PKIB: variants seen among roughly 807,000 people sequenced by gnomAD.
PKIB encodes PKI-beta.
Under a neutral mutation model 4.5 loss-of-function variants are expected in PKIB, and 2 were observed. That is an observed-to-expected ratio of 0.44 (90% CI 0.18 to 1.39). The LOEUF (loss-of-function observed/expected upper bound fraction) is 1.39. Ranked by LOEUF, PKIB falls within the 40% of genes most tolerant of loss-of-function variation. PKIB has a pLI of 0.27. For missense variants in PKIB, 94 were observed against 92.6 expected, an observed-to-expected ratio of 1.02 and a Z score of -0.06; for synonymous variants, 38 against 36.0, an observed-to-expected ratio of 1.06 and a Z score of -0.20.
chr6:122,483,587 T>C (rs1457866658), intron 2 of PKIB: 1 of 152,172 alleles, frequency 6.6e-6, no homozygotes, highest in Non-Finnish European at 1.5e-5. Context: ...CAGAGATGAG[T>C]AACTCAAAGG....
chr6:122,526,827 C>G (rs574385094), intron 2 of PKIB, among the ~76,000 whole-genome samples: 1 of 152,164 alleles, frequency 6.6e-6, no homozygotes, highest in South Asian at 2.1e-4. Flanking sequence ...TGTGTTAACA[C>G]CTAATTAGAG....
At chr6:122,561,767 T>C (rs1179428595) in intron 2 of PKIB, among the ~76,000 whole-genome samples, 5 of 152,058 alleles carry the variant, frequency 3.3e-5, no homozygotes, top group African/African-American at 1.2e-4. Context: ...TTGCATGAAA[T>C]GCCTTTTTCC....
intron 2 of PKIB, among the ~76,000 whole-genome samples, chr6:122,522,360 T>G (rs1776970803): frequency 6.6e-6 from 1 of 152,186 alleles, no homozygotes; most frequent in Non-Finnish European, 1.5e-5. Context: ...CTCAGCCCCC[T>G]GGCTTCAGCC....
At chr6:122,683,967 T>A (rs1187020847) in intron 3 of PKIB, among the ~76,000 whole-genome samples, 1 of 152,204 alleles carries the variant, frequency 6.6e-6, no homozygotes, top group Admixed American at 6.5e-5. Flanking sequence ...AAACACTTAA[T>A]TGTTCACCAA....
intron 3 of PKIB, among the ~76,000 whole-genome samples, chr6:122,688,782 C>CTTT (rs34877015): frequency 1.4e-5 from 2 of 139,080 alleles, no homozygotes; most frequent in African/African-American, 2.7e-5. Context: ...ATGAGCCTTT[C>CTTT]TTTTTTTTTT....
chr6:122,659,735 T>C (rs986187777), intron 2 of PKIB, among the ~76,000 whole-genome samples: 5 of 152,174 alleles, frequency 3.3e-5, no homozygotes, highest in Admixed American at 3.3e-4. Flanking sequence ...TTCGGTAAAG[T>C]TGCCTATGTG....
intron 3 of PKIB, among the ~76,000 whole-genome samples, chr6:122,703,966 A>G (rs1198657497): frequency 6.7e-6 from 1 of 148,252 alleles, no homozygotes; most frequent in Non-Finnish European, 1.5e-5. Flanking sequence ...AGAGAGAGAG[A>G]GAGAGAGAAA....
At chr6:122,475,998 C>A (rs1160606493) in intron 1 of PKIB, among the ~76,000 whole-genome samples, 1 of 152,064 alleles carries the variant, frequency 6.6e-6, no homozygotes, top group African/African-American at 2.4e-5. Context: ...ATCTATATCT[C>A]TGAAATATTG....
rs1030249323 is a variant in PKIB, at chr6:122,599,708, T to C, written c.-161+13701T>C. Among the ~76,000 whole-genome samples, 6 of 152,286 alleles carry C rather than the reference T, an allele frequency of 3.9e-5. No individual in the cohort carries two copies. In the South Asian group the frequency reaches 1.0e-3, roughly 26 times the overall value. ...ATGTATATGGTCACCTCACTCTGCC[T>C]GTCATGAGCAGTGAATCAGGAGTGT... is the stretch of plus-strand genomic sequence containing the variant. On this transcript the variant is annotated intron_variant, in intron 3 of 6. Transcript: ENST00000392491.
chr6:122,550,024 C>T (rs1322710435), intron 2 of PKIB, among the ~76,000 whole-genome samples: 1 of 151,886 alleles, frequency 6.6e-6, no homozygotes, highest in African/African-American at 2.4e-5. Flanking sequence ...AAGTCATTCT[C>T]CTGCCTCAGC....
intron 1 of PKIB, among the ~76,000 whole-genome samples, chr6:122,474,106 C>G (rs1379600610): frequency 6.6e-6 from 1 of 152,174 alleles, no homozygotes; most frequent in Non-Finnish European, 1.5e-5. Context: ...GCACTCCGGC[C>G]TAGGTGATAA....
intron 2 of PKIB, among the ~76,000 whole-genome samples, chr6:122,554,576 A>T (rs929671091): frequency 2.0e-5 from 3 of 152,226 alleles, no homozygotes; most frequent in African/African-American, 7.2e-5. Context: ...TTCATTTTAC[A>T]GTGGAAAGAT....
At chr6:122,691,450 TG>T (rs1372080755) in intron 3 of PKIB, among the ~76,000 whole-genome samples, 1 of 152,190 alleles carries the variant, frequency 6.6e-6, no homozygotes, top group Non-Finnish European at 1.5e-5. Flanking sequence ...CTTTCTCTGC[TG>T]TATCAATTCT....
Position 122,520,098 on chromosome 6 carries a change from C to T in PKIB, c.-248+42159C>T, listed in dbSNP as rs77918316. Among the ~76,000 whole-genome samples the T allele has an allele frequency of 2.2e-3, 337 of 152,278 alleles. 8 individuals are homozygous for T. The East Asian group carries it at 0.044, about 20-fold the overall frequency. ...AGGCATCAATTCCCAGAAGCATTCCCTAAAAATCCATACTGAGCCTTTTAG... is the reference window on the plus strand; with the variant it reads ...AGGCATCAATTCCCAGAAGCATTCCTTAAAAATCCATACTGAGCCTTTTAG... On this transcript the variant is annotated intron_variant, in intron 2 of 6. Coordinates refer to the PKIB transcript ENST00000392491.
intron 2 of PKIB, among the ~76,000 whole-genome samples, chr6:122,574,974 G>C (rs182485778): frequency 4.6e-5 from 7 of 152,220 alleles, no homozygotes; most frequent in African/African-American, 1.7e-4. Context: ...CACAGAGTAG[G>C]AGAAAATATT....
At chr6:122,607,850 T>C (rs1774596060), upstream of PKIB, among the ~76,000 whole-genome samples, 1 of 152,194 alleles carries the variant, frequency 6.6e-6, no homozygotes, top group Non-Finnish European at 1.5e-5. Flanking sequence ...TTACCAGTCC[T>C]TGATCCACTT....
Position 122,619,830 on chromosome 6 carries a change from C to G in PKIB, c.-161+9295C>G, listed in dbSNP as rs542594605. 2.6e-5 allele frequency among the ~76,000 whole-genome samples: 4 copies of G among 152,064 alleles called. No individual in the cohort carries two copies. In the East Asian group the frequency reaches 7.7e-4, roughly 29 times the overall value. On this transcript the variant is annotated intron_variant, in intron 1 of 4. Coordinates refer to ENST00000368452, the MANE Select transcript of PKIB (RefSeq NM_181795.3). The stretch of plus-strand genomic sequence containing the variant: ...TTTGTTATATGTTTTGCTACCTCCC[C>G]CTTGACCCAATGTCTCCTTTGTATT...
intron 2 of PKIB, among the ~76,000 whole-genome samples, chr6:122,572,206 T>G (rs1482763113): frequency 1.3e-5 from 2 of 152,108 alleles, no homozygotes; most frequent in African/African-American, 4.8e-5. Context: ...AAGAAGGACA[T>G]TATATAATAA....
chr6:122,576,689 A>AAAATGT lies in PKIB; in HGVS notation c.-247-9231_-247-9230insAATGTA, dbSNP rs1345822382. The stretch of plus-strand genomic sequence containing the variant: ...ATCTCAAAAAAAAAAAAAAAAAAAA[A>AAAATGT]ATATATATATATATATATATATTTT... On this transcript the variant is annotated intron_variant, in intron 2 of 6. Transcript: ENST00000392491. Among the ~76,000 whole-genome samples the AAAATGT allele has an allele frequency of 8.7e-5, 3 of 34,314 alleles. No individual in the cohort carries two copies. In the South Asian group the frequency reaches 5.2e-3, roughly 59 times the overall value. 22.5% of individuals were successfully genotyped at this position (34,314 alleles called of 152,430 possible).
Sources: allele counts gnomAD v4.1 joint callset (sites outside exome capture counted in the v4.1 genomes callset), GRCh38; gene constraint gnomAD v4.1.1; transcripts MANE v1.5; gene names NCBI Gene and HGNC (gene_info 2026-07-23, HGNC 2026-07-21).